GLIS3: variants seen among roughly 807,000 people sequenced by gnomAD.
GLIS3 encodes zinc finger protein GLIS3.
Under a neutral mutation model 78.6 loss-of-function variants are expected in GLIS3, and 53 were observed. That is an observed-to-expected ratio of 0.67 (90% CI 0.54 to 0.85). The LOEUF is 0.85. GLIS3 is among the 40% of genes least tolerant of loss of function. The pLI is 0.00. For synonymous variants in GLIS3, 684 were observed against 509.9 expected, an observed-to-expected ratio of 1.34 and a Z score of -4.60; for missense variants, 1,703 against 1,231.1, an observed-to-expected ratio of 1.38 and a Z score of -5.74.
chr9:3,917,786 A>G (rs1051778812), intron 6 of GLIS3, among the ~76,000 whole-genome samples: 1 of 152,190 alleles, frequency 6.6e-6, no homozygotes, highest in East Asian at 1.9e-4. Flanking sequence ...TATAGTAGCC[A>G]CAGAAAACGG....
At chr9:4,098,837 C>A (rs866077878) in intron 4 of GLIS3, among the ~76,000 whole-genome samples, 1 of 152,132 alleles carries the variant, frequency 6.6e-6, no homozygotes. Flanking sequence ...CAAATTAGTT[C>A]TCACGTACTG....
the GLIS3 span, among the ~76,000 whole-genome samples, chr9:4,436,810 CAAAAAAAAAA>C: frequency 1.7e-3 from 93 of 53,598 alleles, no homozygotes; most frequent in Admixed American, 7.2e-3. Flanking sequence ...GACTGCATCT[CAAAAAAAAAA>C]AAAAAAAAAA....
chr9:4,434,785 A>T, the GLIS3 span, among the ~76,000 whole-genome samples: 2 of 152,202 alleles, frequency 1.3e-5, no homozygotes, highest in Non-Finnish European at 2.9e-5. Flanking sequence ...GTTAAAACTT[A>T]AAAATCCTGA....
chr9:4,228,314 G>C (rs1366408648), intron 2 of GLIS3, among the ~76,000 whole-genome samples: 1 of 152,080 alleles, frequency 6.6e-6, no homozygotes, highest in African/African-American at 2.4e-5. Flanking sequence ...ACTGACAAGG[G>C]AGTATAGGGG....
chr9:3,953,795 C>CTATATATATATATA (rs57500093), intron 4 of GLIS3, among the ~76,000 whole-genome samples: 10 of 73,314 alleles, frequency 1.4e-4, no homozygotes, highest in African/African-American at 5.1e-4. Flanking sequence ...CTCTCTCTCT[C>CTATATATATATATA]TATATATATA....
At chr9:4,363,792 C>T in the GLIS3 span, among the ~76,000 whole-genome samples, 7 of 152,284 alleles carry the variant, frequency 4.6e-5, no homozygotes, top group East Asian at 9.6e-4. Flanking sequence ...AAATATGCAA[C>T]GATCATTGAT....
intron 4 of GLIS3, among the ~76,000 whole-genome samples, chr9:4,090,809 T>C (rs1254708181): frequency 6.6e-6 from 1 of 152,210 alleles, no homozygotes; most frequent in Non-Finnish European, 1.5e-5. Context: ...CTGCTACTGC[T>C]GAGGTTGTGA....
At chr9:3,930,017 G>T (rs1588252058) in intron 6 of GLIS3, among the ~76,000 whole-genome samples, 1 of 152,240 alleles carries the variant, frequency 6.6e-6, no homozygotes, top group East Asian at 1.9e-4. Flanking sequence ...ACAAGATTTG[G>T]AAATGTGGAT....
chr9:4,058,503 T>C (rs1000704476), intron 4 of GLIS3, among the ~76,000 whole-genome samples: 1 of 151,920 alleles, frequency 6.6e-6, no homozygotes, highest in Non-Finnish European at 1.5e-5. Flanking sequence ...TATTCCTGCA[T>C]GTTATCTATT....
chr9:4,289,396 C>T (rs1367190004), intron 1 of GLIS3, among the ~76,000 whole-genome samples: 2 of 152,094 alleles, frequency 1.3e-5, no homozygotes, highest in East Asian at 1.9e-4. Flanking sequence ...TCTCTACCAC[C>T]CCCATCAAAG....
the GLIS3 span, among the ~76,000 whole-genome samples, chr9:4,434,282 G>A: frequency 6.6e-6 from 1 of 152,124 alleles, no homozygotes; most frequent in Non-Finnish European, 1.5e-5. Context: ...ACTGGTGTTA[G>A]TGGTAGTAGA....
intron 2 of GLIS3, among the ~76,000 whole-genome samples, chr9:4,240,785 C>A (rs970819440): frequency 6.6e-6 from 1 of 152,114 alleles, no homozygotes; most frequent in Non-Finnish European, 1.5e-5. Context: ...ATGAAATAAT[C>A]TGTACAACAA....
At chr9:4,229,459 A>G (rs1266998192) in intron 2 of GLIS3, among the ~76,000 whole-genome samples, 1 of 152,224 alleles carries the variant, frequency 6.6e-6, no homozygotes, top group Non-Finnish European at 1.5e-5. Flanking sequence ...TACTGGAATA[A>G]CAGAAAAGTT....
chr9:4,021,087 T>C (rs1439487017), intron 4 of GLIS3, among the ~76,000 whole-genome samples: 2 of 152,226 alleles, frequency 1.3e-5, no homozygotes, highest in Non-Finnish European at 2.9e-5. Context: ...AGAAAGTCTC[T>C]GAAACTGTCA....
chr9:4,414,506 T>G, the GLIS3 span, among the ~76,000 whole-genome samples: 1 of 152,200 alleles, frequency 6.6e-6, no homozygotes. Flanking sequence ...ATTATAGGAT[T>G]GTTTTAAGGG....
intron 2 of GLIS3, among the ~76,000 whole-genome samples, chr9:4,230,460 G>A (rs759456128): frequency 1.7e-4 from 26 of 152,148 alleles, no homozygotes; most frequent in Non-Finnish European, 3.5e-4. Flanking sequence ...TACCCAGATA[G>A]CCACACATTT....
At chr9:4,224,453 G>C (rs1276328141) in intron 2 of GLIS3, among the ~76,000 whole-genome samples, 1 of 152,116 alleles carries the variant, frequency 6.6e-6, no homozygotes, top group Non-Finnish European at 1.5e-5. Context: ...CTCTTTATGA[G>C]GACTCCCTGG....
At chr9:4,078,551 T>G (rs973255990) in intron 4 of GLIS3, among the ~76,000 whole-genome samples, 1 of 152,202 alleles carries the variant, frequency 6.6e-6, no homozygotes, top group African/African-American at 2.4e-5. Flanking sequence ...CTGCCTGGTA[T>G]TTACCTAGCT....
chr9:4,389,439 G>A, the GLIS3 span, among the ~76,000 whole-genome samples: 8 of 152,122 alleles, frequency 5.3e-5, no homozygotes, highest in African/African-American at 1.7e-4. Context: ...CCTGGATATC[G>A]CACAGTGCAT....
Sources: allele counts gnomAD v4.1 joint callset (sites outside exome capture counted in the v4.1 genomes callset), GRCh38; gene constraint gnomAD v4.1.1; transcripts MANE v1.5; gene names NCBI Gene and HGNC (gene_info 2026-07-23, HGNC 2026-07-21).